Variants in FSD1L observed in about 807,000 individuals in gnomAD.
FSD1L encodes FSD1-like protein.
Under a neutral mutation model 71.6 loss-of-function variants are expected in FSD1L, and 45 were observed. The observed-to-expected ratio is 0.63, with a 90% CI of 0.49 to 0.81. The LOEUF (loss-of-function observed/expected upper bound fraction) is 0.81, where lower values mean the gene tolerates loss of function less well. Ranked by LOEUF, FSD1L falls within the 30% of genes least tolerant of loss-of-function variation. The probability of loss-of-function intolerance (pLI) is 0.00; values close to 1 mark genes in which losing one functional copy is unlikely to be tolerated. For missense variants in FSD1L, 561 were observed against 618.1 expected, an observed-to-expected ratio of 0.91 and a Z score of 0.98; for synonymous variants, 197 against 207.2, an observed-to-expected ratio of 0.95 and a Z score of 0.42.
intron 6 of FSD1L, among the ~76,000 whole-genome samples, chr9:105,482,708 T>G (rs946729060): frequency 1.3e-5 from 2 of 152,316 alleles, no homozygotes; most frequent in Non-Finnish European, 2.9e-5. Context: ...TTTCATTGAC[T>G]AAAAAATAAG....
chr9:105,465,839 A>G (rs1321399848), intron 3 of FSD1L, among the ~76,000 whole-genome samples: 1 of 152,150 alleles, frequency 6.6e-6, no homozygotes, highest in African/African-American at 2.4e-5. Flanking sequence ...TTTTTCTGTA[A>G]AGTCAGGAAC....
chr9:105,447,955 C>T, upstream of FSD1L: 1 of 534,046 alleles, frequency 1.9e-6, no homozygotes, highest in Non-Finnish European at 3.3e-6. Context: ...CCCCACCCTC[C>T]ACGGCTACTT....
chr9:105,479,240 G>A (rs777074484), intron 5 of FSD1L, 114 bp from the exon 6 acceptor site: 1 of 837,904 alleles, frequency 1.2e-6, no homozygotes, highest in Non-Finnish European at 1.9e-6. Flanking sequence ...TGGTGAATAT[G>A]AACTAATCTG....
At chr9:105,544,049 A>G (rs1234561209) in intron 13 of FSD1L, among the ~76,000 whole-genome samples, 1 of 152,204 alleles carries the variant, frequency 6.6e-6, no homozygotes, top group East Asian at 1.9e-4. Flanking sequence ...TCTCCCACCA[A>G]CAGTGTAAAA....
At chr9:105,449,067 A>G (rs1829820195) in intron 1 of FSD1L, among the ~76,000 whole-genome samples, 1 of 152,230 alleles carries the variant, frequency 6.6e-6, no homozygotes. Context: ...AATATAGTAC[A>G]GGGTAGGAAA....
At chr9:105,538,348 TA>T (rs1836396001) in intron 12 of FSD1L, among the ~76,000 whole-genome samples, 1 of 152,198 alleles carries the variant, frequency 6.6e-6, no homozygotes, top group South Asian at 2.1e-4. Context: ...TGTGCATAAA[TA>T]TTAGTTTATT....
At chr9:105,520,534 C>A in intron 10 of FSD1L, 3 of 1,207,428 alleles carry the variant, frequency 2.5e-6, no homozygotes, top group Non-Finnish European at 3.7e-6. Context: ...AATTTTACAA[C>A]TTCTTCCAGA....
Position 105,508,613 on chromosome 9 carries a change from T to C in FSD1L, c.797-4T>C. 1 of 1,542,390 alleles carries C rather than the reference T, an allele frequency of 6.5e-7. No individual in the cohort carries two copies. The highest frequency in any genetic ancestry group is 8.8e-7 in the Non-Finnish European group (1 of 1,138,812). ...GTCTGAAAACCATGTTTTCGTTTCT[T>C]CAGGCTTAAAATTTGATTCAAAGTA... On this transcript the variant is annotated splice_polypyrimidine_tract_variant and splice_region_variant and intron_variant, in intron 8 of 13. Coordinates refer to ENST00000481272, the MANE Select transcript of FSD1L (RefSeq NM_001145313.3).
At chr9:105,472,656 A>G (rs1016770172) in intron 5 of FSD1L, 1 of 152,170 alleles carries the variant, frequency 6.6e-6, no homozygotes, top group African/African-American at 2.4e-5. Context: ...TATTTACTTC[A>G]CCTTTGTGGA....
chr9:105,448,077 T>TGGGCGCGGACGGGTGGGGCC lies in FSD1L; in HGVS notation c.-138_-119dup. 1.1e-6 allele frequency: 1 copy of TGGGCGCGGACGGGTGGGGCC among 927,880 alleles called. No homozygotes were observed. Among genetic ancestry groups the TGGGCGCGGACGGGTGGGGCC allele is most frequent in the Non-Finnish European group, 1.7e-6 (1 of 599,040 alleles). The allele number at this position is 927,880 out of a possible 1,614,324, so 57.5% of individuals were successfully genotyped here. A position where few individuals can be genotyped will look rare whatever the true frequency, so the allele number is the denominator to read the frequency against. ...CGGCGTGACTACGGCGCGCGCGGTC[T>TGGGCGCGGACGGGTGGGGCC]GGGCGCGGACGGGTGGGGCCGGGCG... On this transcript the variant is annotated 5_prime_UTR_variant, in exon 1 of 14. Transcript: ENST00000481272.
In FSD1L at chr9:105,547,511, T is replaced by G. The variant is rs1837077258; in HGVS notation, c.*1028T>G. On this transcript the variant is annotated 3_prime_UTR_variant, in exon 14 of 14. Transcript: ENST00000481272. ...ATAACATATGGAATGCTTTAAGCAATTGTTTTGAAAAAAATCTGCGTATCT... is the reference window on the plus strand; with the variant it reads ...ATAACATATGGAATGCTTTAAGCAAGTGTTTTGAAAAAAATCTGCGTATCT... The G allele has an allele frequency of 6.6e-6, 1 of 152,122 alleles. No individual in the cohort carries two copies. Among genetic ancestry groups the G allele is most frequent in the South Asian group, 2.1e-4 (1 of 4,834 alleles). 9.4% of individuals were successfully genotyped at this position (152,122 alleles called of 1,614,324 possible). A position where few individuals can be genotyped will look rare whatever the true frequency, so the allele number is the denominator to read the frequency against.
intron 7 of FSD1L, among the ~76,000 whole-genome samples, chr9:105,496,236 C>T (rs562266860): frequency 1.5e-5 from 2 of 136,108 alleles, no homozygotes; most frequent in Non-Finnish European, 3.1e-5. Flanking sequence ...CGGAATCTCG[C>T]TGTGTCGCCC....
chr9:105,533,414 A>ATTTTTTTTTT (rs1271918066), intron 10 of FSD1L, among the ~76,000 whole-genome samples: 66 of 13,318 alleles, frequency 5.0e-3, no homozygotes, highest in South Asian at 0.019. Flanking sequence ...TGCCATTTCC[A>ATTTTTTTTTT]TCTTTTTTTT....
rs189465354 is a variant in FSD1L, at chr9:105,523,996, A to G, written c.1026-10497A>G. The G allele has an allele frequency of 2.3e-3, 3,629 of 1,597,158 alleles. 13 individuals are homozygous for G. The highest frequency in any genetic ancestry group is 2.3e-3 in the Non-Finnish European group (2,693 of 1,166,308). On this transcript the variant is annotated intron_variant, in intron 10 of 13. Transcript: ENST00000481272. ...TCTTTGGTTTGCTTTCCCAACTTAT[A>G]TTGTGAACTGCCTTCTCTTCATCCC...
chr9:105,452,669 G>GCCTGCCTGCCTTCCTTCCTTCCTTCCTT (rs1191519308), intron 1 of FSD1L, among the ~76,000 whole-genome samples: 25 of 96,226 alleles, frequency 2.6e-4, no homozygotes, highest in African/African-American at 9.8e-4. Context: ...CTGCCTGCCT[G>GCCTGCCTGCCTTCCTTCCTTCCTTCCTT]CCTTCCTTCC....
In FSD1L at chr9:105,539,369, C is replaced by A; in HGVS notation, c.1467+18C>A. ...GTTTCATGGTTAGTATGTTTTATAT[C>A]TTATATATACCTAACATATTTTACT... On this transcript the variant is annotated intron_variant, in intron 13 of 13. Coordinates refer to ENST00000481272, the MANE Select transcript of FSD1L (RefSeq NM_001145313.3). The A allele has an allele frequency of 9.1e-7, 1 of 1,094,084 alleles. No individual in the cohort carries two copies. The highest frequency in any genetic ancestry group is 1.3e-6 in the Non-Finnish European group (1 of 767,554). The allele number at this position is 1,094,084 out of a possible 1,614,324, so 67.8% of individuals were successfully genotyped here.
At chr9:105,500,054 G>A (rs1387742791) in intron 7 of FSD1L, among the ~76,000 whole-genome samples, 2 of 152,092 alleles carry the variant, frequency 1.3e-5, no homozygotes, top group Admixed American at 1.3e-4. Flanking sequence ...CGCTCCACTT[G>A]TATTGCCCAT....
intron 10 of FSD1L, among the ~76,000 whole-genome samples, chr9:105,517,418 T>C (rs969013414): frequency 6.6e-6 from 1 of 152,118 alleles, no homozygotes; most frequent in Non-Finnish European, 1.5e-5. Context: ...AGAGAAAGGT[T>C]GGATTACCCA....
intron 3 of FSD1L, among the ~76,000 whole-genome samples, chr9:105,467,150 C>G (rs938054878): frequency 6.6e-6 from 1 of 152,104 alleles, no homozygotes; most frequent in African/African-American, 2.4e-5. Context: ...ACTGCACATT[C>G]CACTTCTATA....
Sources: allele counts gnomAD v4.1 joint callset (sites outside exome capture counted in the v4.1 genomes callset), GRCh38; gene constraint gnomAD v4.1.1; transcripts MANE v1.5; gene names NCBI Gene and HGNC (gene_info 2026-07-23, HGNC 2026-07-21).